PCDHGB3: variants seen among roughly 807,000 people sequenced by gnomAD.
PCDHGB3 encodes the protein protocadherin gamma-B3.
A neutral mutation model predicts 59.2 loss-of-function variants in PCDHGB3; 40 were observed. That is an observed-to-expected ratio of 0.68 (90% CI 0.52 to 0.88). The LOEUF is 0.88. Ranked by LOEUF, PCDHGB3 falls within the 40% of genes least tolerant of loss-of-function variation. PCDHGB3 has a pLI of 0.00. For synonymous variants in PCDHGB3, 581 were observed against 503.6 expected (o/e 1.15, Z -2.06); for missense variants, 1,309 against 1,187.9 (o/e 1.10, Z -1.50).
At chr5:141,403,645 A>G (rs2154534430) in intron 1 of PCDHGB3, 1 of 1,613,922 alleles carries the variant, frequency 6.2e-7, no homozygotes, top group South Asian at 1.1e-5. Flanking sequence ...TCCATGTGAC[A>G]GTGTTGGATA....
chr5:141,460,576 G>A (rs2098992216), intron 1 of PCDHGB3, among the ~76,000 whole-genome samples: 1 of 152,082 alleles, frequency 6.6e-6, no homozygotes, highest in Non-Finnish European at 1.5e-5. Flanking sequence ...ACATATGTAG[G>A]TGTGGGTTTT....
At chr5:141,410,913 G>GC (rs1270456210) in intron 1 of PCDHGB3, 4 of 263,626 alleles carry the variant, frequency 1.5e-5, no homozygotes, top group African/African-American at 1.1e-4. Flanking sequence ...GAGTGCAGTG[G>GC]CGTGATCTCT....
In PCDHGB3 at chr5:141,476,622, T is replaced by C. The variant is rs1480639256; in HGVS notation, c.2416-18185T>C. The C allele has an allele frequency of 6.2e-7, 1 of 1,614,238 alleles. No individual in the cohort carries two copies. The highest frequency in any genetic ancestry group is 2.2e-5 in the East Asian group (1 of 44,878). On this transcript the variant is annotated intron_variant, in intron 1 of 3. Transcript: ENST00000576222. This position sits in a 1 kb window ranked among gnomAD's most constrained non-coding sequence, Gnocchi z 7.6. ...GATCCCGATGTGGGAAGCAACTCTT[T>C]ACAAACCTATGAGCTGAGCCGAAAT...
In PCDHGB3 at chr5:141,379,889, C is replaced by CTTTTTTTTT. The variant is rs70988800; in HGVS notation, c.2415+7102_2415+7110dup. ...CTTATTTTATGGTCTGTGAAAGCCT[C>CTTTTTTTTT]TTTTTTTTTTTTTTTTTTTTTTTTT... is the stretch of plus-strand genomic sequence containing the variant. On this transcript the variant is annotated intron_variant, in intron 1 of 3. Transcript: ENST00000576222. Among the ~76,000 whole-genome samples the CTTTTTTTTT allele has an allele frequency of 5.8e-3, 297 of 50,818 alleles. 50 individuals are homozygous for CTTTTTTTTT. Among genetic ancestry groups the CTTTTTTTTT allele is most frequent in the African/African-American group, 9.2e-3 (138 of 15,074 alleles). The allele number at this position is 50,818 out of a possible 152,430, so 33.3% of individuals were successfully genotyped here.
At chr5:141,424,036 C>T (rs2096796408) in intron 1 of PCDHGB3, 1 of 1,029,488 alleles carries the variant, frequency 9.7e-7, no homozygotes, top group Non-Finnish European at 1.2e-6. Flanking sequence ...CTTTTTATTT[C>T]CATTTCAATT....
intron 1 of PCDHGB3, among the ~76,000 whole-genome samples, chr5:141,438,587 CAT>C (rs1372372472): frequency 3.8e-4 from 28 of 73,432 alleles, no homozygotes; most frequent in African/African-American, 1.4e-3. Flanking sequence ...TACATACATA[CAT>C]ACATATATAT....
intron 1 of PCDHGB3, chr5:141,478,531 C>G (rs771145308): frequency 1.2e-6 from 2 of 1,608,190 alleles, no homozygotes; most frequent in East Asian, 2.2e-5. Context: ...GTGCAGAGAG[C>G]GCCCCTCCCG....
chr5:141,509,586 T>A (rs2154594569), intron 3 of PCDHGB3, among the ~76,000 whole-genome samples: 1 of 152,302 alleles, frequency 6.6e-6, no homozygotes, highest in East Asian at 1.9e-4. Flanking sequence ...ACAAATCAGC[T>A]GGCAATTCCG....
chr5:141,372,932 G>A (rs3806834), intron 1 of PCDHGB3, 123 bp downstream of exon 1: 35,987 of 882,390 alleles, frequency 0.041, 1,563 homozygotes, highest in Admixed American at 0.21. Flanking sequence ...TTCTGGTGTA[G>A]AGTAGGGTGT....
At chr5:141,418,026 T>A (rs2154547454) in intron 1 of PCDHGB3, 1 of 1,613,962 alleles carries the variant, frequency 6.2e-7, no homozygotes, top group East Asian at 2.2e-5. Context: ...GATCTAGGGC[T>A]TAGTGTCCTG....
intron 1 of PCDHGB3, chr5:141,396,613 C>G (rs1283036515): frequency 6.6e-6 from 1 of 151,276 alleles, no homozygotes; most frequent in Non-Finnish European, 1.5e-5. Context: ...GGGTGAGACT[C>G]CGTCTCAAAA....
At chr5:141,425,110 C>T (rs1335909720) in intron 1 of PCDHGB3, among the ~76,000 whole-genome samples, 1 of 152,166 alleles carries the variant, frequency 6.6e-6, no homozygotes, top group East Asian at 1.9e-4. Context: ...CAGATGCCTA[C>T]ATTTTTCTTG....
intron 1 of PCDHGB3, chr5:141,427,957 C>G (rs770633827): frequency 1.3e-5 from 20 of 1,588,284 alleles, no homozygotes; most frequent in African/African-American, 2.7e-5. Flanking sequence ...GACAATGTGC[C>G]GCGGGTGCTG....
chr5:141,392,366 G>C (rs956315393), intron 1 of PCDHGB3: 4 of 152,962 alleles, frequency 2.6e-5, no homozygotes, highest in East Asian at 1.9e-4. Context: ...GCTACAATCT[G>C]ATCATTCTGA....
rs530139788 is a variant in PCDHGB3, at chr5:141,509,165, C to A, written c.2564-1782C>A. On this transcript the variant is annotated intron_variant, in intron 3 of 3. Coordinates refer to ENST00000576222, the MANE Select transcript of PCDHGB3 (RefSeq NM_018924.5). ...TCCCGGCTCTCCCCTCCCGTGTGCC[C>A]TCCTCCTCTTATGCCGGCTTGAAAA... Among the ~76,000 whole-genome samples the A allele has an allele frequency of 1.4e-4, 21 of 152,332 alleles. No individual in the cohort carries two copies. In the South Asian group the frequency reaches 4.1e-3, roughly 30 times the overall value.
intron 1 of PCDHGB3, among the ~76,000 whole-genome samples, chr5:141,401,078 T>A (rs2094109579): frequency 6.6e-6 from 1 of 152,226 alleles, no homozygotes; most frequent in South Asian, 2.1e-4. Flanking sequence ...GTGCAGTGGC[T>A]CATGCCTGTA....
At chr5:141,409,831 C>A (rs1015263434) in intron 1 of PCDHGB3, 1 of 1,611,128 alleles carries the variant, frequency 6.2e-7, no homozygotes, top group African/African-American at 1.3e-5. Flanking sequence ...CCACGCTCAG[C>A]GCCAACGTGA....
chr5:141,414,741 A>C, intron 1 of PCDHGB3: 1 of 1,614,158 alleles, frequency 6.2e-7, no homozygotes. Flanking sequence ...ATGCACTCAG[A>C]TCCTTCGACT....
At chr5:141,389,032 A>C in intron 1 of PCDHGB3, 1 of 1,613,974 alleles carries the variant, frequency 6.2e-7, no homozygotes, top group Non-Finnish European at 8.5e-7. Flanking sequence ...GTGACTTGTA[A>C]ATTGGAAGGT....
Sources: allele counts gnomAD v4.1 joint callset (sites outside exome capture counted in the v4.1 genomes callset), GRCh38; gene constraint gnomAD v4.1.1; non-coding constraint Gnocchi (gnomAD v3.1); transcripts MANE v1.5; gene names NCBI Gene and HGNC (gene_info 2026-07-23, HGNC 2026-07-21).